Variants in ZNF780B observed in about 807,000 individuals in gnomAD.
The protein encoded by ZNF780B is zinc finger protein 779.
ZNF780B carries 52 observed loss-of-function variants against 74.1 expected under a neutral mutation model. The ratio of observed to expected loss-of-function variants is 0.70; its 90% CI spans 0.56 to 0.88. ZNF780B has a LOEUF of 0.88. ZNF780B is among the 40% of genes least tolerant of loss of function. The pLI is 0.00. For synonymous variants in ZNF780B, 315 were observed against 324.3 expected (o/e 0.97, Z 0.31); for missense variants, 953 against 1,007.6 (o/e 0.95, Z 0.73).
rs756727716 is a variant in ZNF780B, at chr19:40,036,467, C to T, written c.392G>A (p.Arg131Gln). The change falls in exon 5 of 5, where the codon CGA becomes CAA. Residue 131 changes from arginine (R) to glutamine (Q), a missense_variant. Physicochemically the swap from Arg to Gln is conservative, Grantham distance 43. Transcript: ENST00000434248. ...GATATATCCTTCTTGATGTCCCTGTCGTCCCTCAAATCTACTTCTATATTC... is the reference window on the plus strand; with the variant it reads ...GATATATCCTTCTTGATGTCCCTGTTGTCCCTCAAATCTACTTCTATATTC... ...DSEYRSRFEG[R>Q]QGHQEGYINQ... The T allele has an allele frequency of 1.8e-5, 29 of 1,609,978 alleles. No homozygotes were observed. Among genetic ancestry groups the T allele is most frequent in the South Asian group, 4.5e-5 (4 of 89,630 alleles).
chr19:40,030,285 G>C lies in ZNF780B; in HGVS notation c.*4072C>G, dbSNP rs1391637350. On this transcript the variant is annotated 3_prime_UTR_variant, in exon 5 of 5. Coordinates refer to ENST00000434248, the MANE Select transcript of ZNF780B (RefSeq NM_001005851.3). ...AGTGTATGCAGACATCACATGGCAA[G>C]AGAGGAAGCAAGAGGGTGAGGAAGG... 1 of 152,512 alleles carries C rather than the reference G, an allele frequency of 6.6e-6. No individual in the cohort carries two copies. Among genetic ancestry groups the C allele is most frequent in the Non-Finnish European group, 1.5e-5 (1 of 68,286 alleles). The allele number at this position is 152,512 out of a possible 1,614,324, so 9.4% of individuals were successfully genotyped here.
chr19:40,033,717 G>A lies in ZNF780B; in HGVS notation c.*640C>T, dbSNP rs117080839. On this transcript the variant is annotated 3_prime_UTR_variant, in exon 5 of 5. Transcript: ENST00000434248. ...ACTATAATGAATTTTCTGATGTTGCGTAAGCAGATCATTCACAGTAAGGGT... is the reference window on the plus strand; with the variant it reads ...ACTATAATGAATTTTCTGATGTTGCATAAGCAGATCATTCACAGTAAGGGT... 1,189 of 158,308 alleles carry A rather than the reference G, an allele frequency of 7.5e-3. 6 individuals are homozygous for A. The highest frequency in any genetic ancestry group is 0.012 in the Non-Finnish European group (816 of 70,070). 9.8% of individuals were successfully genotyped at this position (158,308 alleles called of 1,614,324 possible).
rs763519774 is a variant in ZNF780B at position 40,034,970 on chromosome 19, T to C, written c.1889A>G (p.His630Arg). 1.2e-6 allele frequency: 2 copies of C among 1,613,954 alleles called. No individual in the cohort carries two copies. The highest frequency in any genetic ancestry group is 1.7e-6 in the Non-Finnish European group (2 of 1,179,972). ...KAFSLHTQLN[H>R]HKNIHTGEKP... The stretch of plus-strand genomic sequence containing the variant: ...CTCACCTGTGTGAATGTTCTTATGG[T>C]GATTAAGCTGGGTGTGAAGACTGAA... The change falls in exon 5 of 5, where the codon CAC becomes CGC. Residue 630 changes from histidine to arginine, a missense_variant. His to Arg is a conservative substitution (Grantham distance 29, BLOSUM62 0). Coordinates refer to ENST00000434248, the MANE Select transcript of ZNF780B (RefSeq NM_001005851.3).
chr19:40,044,502 G>C (rs1972839254), intron 4 of ZNF780B, among the ~76,000 whole-genome samples: 1 of 152,144 alleles, frequency 6.6e-6, no homozygotes, highest in Non-Finnish European at 1.5e-5. Context: ...AAAATCACCA[G>C]TCAAGGACAC....
chr19:40,047,592 TAA>T (rs1972992689), intron 3 of ZNF780B, 122 bp from the exon 4 acceptor site: 1 of 552,712 alleles, frequency 1.8e-6, no homozygotes, highest in Non-Finnish European at 3.0e-6. Context: ...AGACTCCAGA[TAA>T]GAGAGGATTG....
In ZNF780B at chr19:40,035,485, G is replaced by A. The variant is rs1972230551; in HGVS notation, c.1374C>T (p.Tyr458=). 6.2e-7 allele frequency: 1 copy of A among 1,613,988 alleles called. No individual in the cohort carries two copies. The highest frequency in any genetic ancestry group is 8.5e-7 in the Non-Finnish European group (1 of 1,179,984). Residue 458 remains tyrosine, a synonymous_variant, in exon 5 of 5, where the codon TAC becomes TAT. Coordinates refer to ENST00000434248, the MANE Select transcript of ZNF780B (RefSeq NM_001005851.3). ...RECEMAFRYH[Y]QLIQHCQIHT... is the part of the protein sequence containing the mutation. ...GAATTTGGCAATGTTGAATAAGTTGGTAATGATATCGAAAGGCCATCTCAC... is the reference window on the plus strand; with the variant it reads ...GAATTTGGCAATGTTGAATAAGTTGATAATGATATCGAAAGGCCATCTCAC...
At chr19:40,037,597 C>T (rs1972399810) in intron 4 of ZNF780B, among the ~76,000 whole-genome samples, 1 of 152,144 alleles carries the variant, frequency 6.6e-6, no homozygotes, top group South Asian at 2.1e-4. Flanking sequence ...TTTAATATCT[C>T]TACCAGATGA....
rs1168546175 is a variant in ZNF780B at position 40,032,179 on chromosome 19, G to C, written c.*2178C>G. 2.4e-6 allele frequency: 1 copy of C among 411,842 alleles called. No homozygotes were observed. Among genetic ancestry groups the C allele is most frequent in the East Asian group, 7.1e-5 (1 of 14,184 alleles). 25.5% of individuals were successfully genotyped at this position (411,842 alleles called of 1,614,324 possible). A position where few individuals can be genotyped will look rare whatever the true frequency, so the allele number is the denominator to read the frequency against. ...ATGTCATTTTTTTAAAATGAGAAAT[G>C]TTCTAGACCAGTGGCTCTCTAACTC... On this transcript the variant is annotated 3_prime_UTR_variant, in exon 5 of 5. Coordinates refer to ENST00000434248, the MANE Select transcript of ZNF780B (RefSeq NM_001005851.3).
chr19:40,038,009 C>T (rs1178340293), intron 4 of ZNF780B, among the ~76,000 whole-genome samples: 8 of 151,628 alleles, frequency 5.3e-5, no homozygotes, highest in Non-Finnish European at 1.2e-4. Context: ...GTGTGCTGCA[C>T]CCATTAACTC....
Position 40,031,838 on chromosome 19 carries a change from G to A in ZNF780B, c.*2519C>T, listed in dbSNP as rs938824886. On this transcript the variant is annotated 3_prime_UTR_variant, in exon 5 of 5. Coordinates refer to ENST00000434248, the MANE Select transcript of ZNF780B (RefSeq NM_001005851.3). ...ACTATAACTTTTCAGAGATGACAAC[G>A]TCTCTCCATAGATTACTTACCCACT... 3.0e-5 allele frequency: 8 copies of A among 268,728 alleles called. No homozygotes were observed. The highest frequency in any genetic ancestry group is 8.8e-5 in the African/African-American group (4 of 45,428). The allele number at this position is 268,728 out of a possible 1,614,324, so 16.6% of individuals were successfully genotyped here.
chr19:40,040,179 T>A (rs976743106), intron 4 of ZNF780B, among the ~76,000 whole-genome samples: 4 of 152,262 alleles, frequency 2.6e-5, no homozygotes, highest in African/African-American at 7.2e-5. Context: ...ATGTGGTTTT[T>A]GTCTTTGGTT....
chr19:40,051,206 T>A (rs1973213227), intron 1 of ZNF780B, among the ~76,000 whole-genome samples: 1 of 149,574 alleles, frequency 6.7e-6, no homozygotes, highest in Non-Finnish European at 1.5e-5. Flanking sequence ...GAATATATAA[T>A]TATATTCACA....
chr19:40,053,928 G>A (rs980975640), intron 1 of ZNF780B, among the ~76,000 whole-genome samples: 14 of 152,236 alleles, frequency 9.2e-5, no homozygotes, highest in African/African-American at 2.9e-4. Flanking sequence ...CGAGGCAGGC[G>A]GATCACCTAA....
chr19:40,043,771 G>A (rs1972788037), intron 4 of ZNF780B, among the ~76,000 whole-genome samples: 1 of 152,232 alleles, frequency 6.6e-6, no homozygotes, highest in Non-Finnish European at 1.5e-5. Context: ...CAATATTAGA[G>A]TGGGAGTGAC....
chr19:40,049,656 G>A (rs16974036), intron 2 of ZNF780B, among the ~76,000 whole-genome samples: 1,753 of 152,240 alleles, frequency 0.012, 26 homozygotes, highest in African/African-American at 0.04. Context: ...AGGTGTTCCC[G>A]AGTGTGGTCA....
rs1200870243 is a variant in ZNF780B at position 40,036,032 on chromosome 19, G to T, written c.827C>A (p.Pro276Gln). 6.2e-7 allele frequency: 1 copy of T among 1,613,910 alleles called. No individual in the cohort carries two copies. The highest frequency in any genetic ancestry group is 8.5e-7 in the Non-Finnish European group (1 of 1,179,956). The change falls in exon 5 of 5, where the codon CCA becomes CAA. Residue 276 changes from proline (P) to glutamine (Q), a missense_variant. By Grantham distance (76) the Pro-to-Gln change is moderately conservative. Transcript: ENST00000434248. ...TTTCCCACACTCCTTACATTGATAT[G>T]GTTTTACACCAGCATGAATACTTTG... The part of the protein sequence containing the change: ...QHQSIHAGVK[P>Q]YQCKECGKAF...
chr19:40,051,179 C>T (rs1374459495), intron 1 of ZNF780B, among the ~76,000 whole-genome samples: 1 of 151,868 alleles, frequency 6.6e-6, no homozygotes, highest in Non-Finnish European at 1.5e-5. Flanking sequence ...TGTGACTATG[C>T]CCAGGCATTT....
At position 40,031,678 on chromosome 19, in the gene ZNF780B, G is replaced by A. The variant is rs1027690127; in HGVS notation, c.*2679C>T. Reference sequence around the variant, plus strand: ...CTTGGCTCCCTATACAATCCAAAGGGTGCCAGTTTTGTACTGAGTACAGTG... The same window carrying A: ...CTTGGCTCCCTATACAATCCAAAGGATGCCAGTTTTGTACTGAGTACAGTG... On this transcript the variant is annotated 3_prime_UTR_variant, in exon 5 of 5. Coordinates refer to ENST00000434248, the MANE Select transcript of ZNF780B (RefSeq NM_001005851.3). 1 of 165,104 alleles carries A rather than the reference G, an allele frequency of 6.1e-6. No homozygotes were observed. The highest frequency in any genetic ancestry group is 5.9e-5 in the Admixed American group (1 of 16,884). The allele number at this position is 165,104 out of a possible 1,614,324, so 10.2% of individuals were successfully genotyped here.
chr19:40,044,790 G>A (rs1208350746), intron 4 of ZNF780B, among the ~76,000 whole-genome samples: 1 of 152,028 alleles, frequency 6.6e-6, no homozygotes, highest in Non-Finnish European at 1.5e-5. Context: ...AAGGAACAAA[G>A]GATAAACAAA....
Sources: allele counts gnomAD v4.1 joint callset (sites outside exome capture counted in the v4.1 genomes callset), GRCh38; gene constraint gnomAD v4.1.1; transcripts MANE v1.5; gene names NCBI Gene and HGNC (gene_info 2026-07-23, HGNC 2026-07-21).